Variants in NME7 observed in about 807,000 individuals in gnomAD.
The protein encoded by NME7 is nucleoside diphosphate kinase 7.
A neutral mutation model predicts 49.1 loss-of-function variants in NME7; 41 were observed. That is an observed-to-expected ratio of 0.83 (90% confidence interval 0.65 to 1.08). The LOEUF is 1.08. NME7 is among the 50% of genes least tolerant of loss of function. The pLI, the probability that NME7 is intolerant of heterozygous loss-of-function variation, is 0.00. For synonymous variants in NME7, 139 were observed against 150.6 expected, an observed-to-expected ratio of 0.92 and a Z score of 0.56; for missense variants, 423 against 463.4, an observed-to-expected ratio of 0.91 and a Z score of 0.80.
In NME7 at chr1:169,132,713, G is replaced by A; in HGVS notation, c.*72C>T. ...TTAAAACAACGGACAATAAAAGAAT[G>A]AACACATTCCTCGTGTGTGATTCAC... On this transcript the variant is annotated 3_prime_UTR_variant, in exon 12 of 12. Transcript: ENST00000367811. The A allele has an allele frequency of 7.1e-7, 1 of 1,404,220 alleles. No individual in the cohort carries two copies. The highest frequency in any genetic ancestry group is 1.2e-5 in the South Asian group (1 of 83,302). The allele number at this position is 1,404,220 out of a possible 1,614,324, so 87.0% of individuals were successfully genotyped here.
At chr1:169,177,905 C>T (rs59937757) in intron 10 of NME7, among the ~76,000 whole-genome samples, 3,880 of 152,094 alleles carry the variant, frequency 0.026, 153 homozygotes, top group African/African-American at 0.087. Flanking sequence ...GGCGTGATCG[C>T]GGCTCACTGC....
intron 1 of NME7, among the ~76,000 whole-genome samples, chr1:169,346,530 T>C (rs1652956162): frequency 6.6e-6 from 1 of 152,244 alleles, no homozygotes; most frequent in South Asian, 2.1e-4. Flanking sequence ...AGACTAACTC[T>C]GGCCACTTCC....
At chr1:169,287,455 G>GT in intron 6 of NME7, 47 bp from the exon 7 acceptor site, 6 of 1,265,096 alleles carry the variant, frequency 4.7e-6, no homozygotes, top group Non-Finnish European at 6.5e-6. Context: ...CTCTTATCTT[G>GT]AACTTACAAG....
chr1:169,231,272 C>T (rs61808865), intron 9 of NME7, among the ~76,000 whole-genome samples: 15,719 of 151,984 alleles, frequency 0.1, 854 homozygotes, highest in Admixed American at 0.12. Flanking sequence ...ATAAAATATA[C>T]GAAACAATAG....
At chr1:169,188,034 G>C (rs1571275814) in intron 10 of NME7, among the ~76,000 whole-genome samples, 1 of 152,096 alleles carries the variant, frequency 6.6e-6, no homozygotes, top group Admixed American at 6.6e-5. Flanking sequence ...ATGAAATCCT[G>C]GGTTGAAAAC....
At chr1:169,195,383 T>A (rs190032015) in intron 10 of NME7, among the ~76,000 whole-genome samples, 1 of 152,098 alleles carries the variant, frequency 6.6e-6, no homozygotes, top group Non-Finnish European at 1.5e-5. Context: ...GGCTTATTTA[T>A]TTATCTACTT....
At chr1:169,211,663 A>G (rs1660824139) in intron 10 of NME7, among the ~76,000 whole-genome samples, 1 of 152,170 alleles carries the variant, frequency 6.6e-6, no homozygotes, top group Non-Finnish European at 1.5e-5. Context: ...AAAGGCATGA[A>G]GTTGAGAGCA....
At chr1:169,219,615 G>A (rs2101804375) in intron 10 of NME7, among the ~76,000 whole-genome samples, 1 of 152,222 alleles carries the variant, frequency 6.6e-6, no homozygotes, top group South Asian at 2.1e-4. Flanking sequence ...GCCCAGGCTA[G>A]TCTCGAGCTC....
intron 1 of NME7, among the ~76,000 whole-genome samples, chr1:169,359,878 G>A (rs1351737712): frequency 1.3e-5 from 2 of 152,094 alleles, no homozygotes; most frequent in Admixed American, 1.3e-4. Flanking sequence ...TTAAGGCAAA[G>A]TGTCCAGTAT....
At chr1:169,327,596 C>T (rs1268502486) in intron 1 of NME7, among the ~76,000 whole-genome samples, 1 of 151,918 alleles carries the variant, frequency 6.6e-6, no homozygotes, top group African/African-American at 2.4e-5. Context: ...CAGTCTTACT[C>T]GATGGTAAGT....
At chr1:169,217,633 T>C (rs1169508545) in intron 10 of NME7, among the ~76,000 whole-genome samples, 4 of 152,178 alleles carry the variant, frequency 2.6e-5, no homozygotes, top group African/African-American at 4.8e-5. Context: ...CCCCCTTCCA[T>C]TGTATTCCTT....
intron 3 of NME7, chr1:169,322,608 T>G (rs1439876456): frequency 6.6e-6 from 1 of 151,734 alleles, no homozygotes; most frequent in African/African-American, 2.4e-5. Flanking sequence ...GTTTCTTTTT[T>G]TTTTCCTTTT....
chr1:169,155,813 C>A (rs1162846067), intron 11 of NME7, among the ~76,000 whole-genome samples: 2 of 147,732 alleles, frequency 1.4e-5, no homozygotes, highest in Non-Finnish European at 3.0e-5. Context: ...TCAAATCTGA[C>A]AACAGCTTGA....
At chr1:169,350,211 A>T (rs1024465657) in intron 1 of NME7, among the ~76,000 whole-genome samples, 4 of 150,222 alleles carry the variant, frequency 2.7e-5, no homozygotes, top group African/African-American at 9.8e-5. Flanking sequence ...AAAGAAAGGA[A>T]AGAAAGGGAG....
At chr1:169,230,873 C>T (rs10800420) in intron 9 of NME7, 54 bp from the exon 10 acceptor site, 481,169 of 1,190,302 alleles carry the variant, frequency 0.4, 103,064 homozygotes, top group East Asian at 0.76. Context: ...TTAACTCTCC[C>T]CTTTTAATTG....
At chr1:169,236,724 T>TC (rs1312199088) in intron 8 of NME7, among the ~76,000 whole-genome samples, 1 of 151,478 alleles carries the variant, frequency 6.6e-6, no homozygotes, top group African/African-American at 2.4e-5. Context: ...TATTTCCCTT[T>TC]TTTTTTTTTC....
At position 169,262,697 on chromosome 1, in the gene NME7, C is replaced by T. The variant is rs145675749; in HGVS notation, c.754+24606G>A. 2.6e-3 allele frequency among the ~76,000 whole-genome samples: 342 copies of T among 133,556 alleles called. 39 individuals are homozygous for T. The highest frequency in any genetic ancestry group is 7.8e-3 in the African/African-American group (307 of 39,510). The allele number at this position is 133,556 out of a possible 152,430, so 87.6% of individuals were successfully genotyped here. ...AACACGGGAAAGGGTGAGTGAGTGA[C>T]AGCCCCCAGGGGGACTCACCCTTAC... is the stretch of plus-strand genomic sequence containing the variant. On this transcript the variant is annotated intron_variant, in intron 7 of 11. Transcript: ENST00000367811.
At chr1:169,305,274 T>A (rs1455515790) in intron 4 of NME7, among the ~76,000 whole-genome samples, 1 of 152,230 alleles carries the variant, frequency 6.6e-6, no homozygotes, top group Non-Finnish European at 1.5e-5. Flanking sequence ...TATGTTTTGT[T>A]GTGTTTTTAT....
chr1:169,171,600 T>TA (rs1440014785), intron 10 of NME7, among the ~76,000 whole-genome samples: 10 of 151,812 alleles, frequency 6.6e-5, no homozygotes, highest in Non-Finnish European at 1.5e-4. Flanking sequence ...CTGTTTCTAC[T>TA]AAAAATACAA....
Sources: allele counts gnomAD v4.1 joint callset (sites outside exome capture counted in the v4.1 genomes callset), GRCh38; gene constraint gnomAD v4.1.1; transcripts MANE v1.5; gene names NCBI Gene and HGNC (gene_info 2026-07-23, HGNC 2026-07-21).